PRMT2: variants seen among roughly 807,000 people sequenced by gnomAD.
PRMT2 encodes protein arginine methyltransferase 2, also known as protein arginine N-methyltransferase 2.
PRMT2 carries 26 observed loss-of-function variants against 57.6 expected under a neutral mutation model. That is an observed-to-expected ratio of 0.45 (90% CI 0.33 to 0.63). The LOEUF (loss-of-function observed/expected upper bound fraction) is 0.63. Among genes scored for constraint, PRMT2 ranks in the 20% least tolerant of loss-of-function variants. PRMT2 has a pLI of 0.02. For missense variants in PRMT2, 472 were observed against 564.4 expected, an observed-to-expected ratio of 0.84 and a Z score of 1.66; for synonymous variants, 219 against 220.0, an observed-to-expected ratio of 1.00 and a Z score of 0.04.
chr21:46,664,363 C>T lies in PRMT2; in HGVS notation c.*36C>T, dbSNP rs1163100338. The T allele has an allele frequency of 1.5e-5, 25 of 1,613,856 alleles. No individual in the cohort carries two copies. The highest frequency in any genetic ancestry group is 1.9e-5 in the Non-Finnish European group (23 of 1,179,914). ...TTTATTTGGAAAGCAGTGTGCATAT[C>T]TTGAGGGGTGATGAACACAAGCAAA... On this transcript the variant is annotated 3_prime_UTR_variant, in exon 12 of 12. Coordinates refer to ENST00000355680, the MANE Select transcript of PRMT2 (RefSeq NM_206962.4).
rs555283999 is a variant in PRMT2, at chr21:46,641,691, TAAA to T, written c.40-1837_40-1835del. ...TAGGCGACAGAGCGAGACTCCATCC[TAAA>T]AAAAAAGCCAAACAAAGAAACAGCC... On this transcript the variant is annotated intron_variant, in intron 3 of 11. Coordinates refer to ENST00000355680, the MANE Select transcript of PRMT2 (RefSeq NM_206962.4). 3.2e-4 allele frequency among the ~76,000 whole-genome samples: 47 copies of T among 147,468 alleles called. 1 individual carries two copies. The South Asian group carries it at 0.01, about 31-fold the overall frequency.
intron 5 of PRMT2, 118 bp downstream of exon 5, chr21:46,644,606 A>G: frequency 1.0e-6 from 1 of 1,001,582 alleles, no homozygotes; most frequent in Non-Finnish European, 1.4e-6. Flanking sequence ...CCTCTGTTGT[A>G]GCCACTCAGC....
chr21:46,651,783 C>G lies in PRMT2; in HGVS notation c.654+2044C>G, dbSNP rs778399117. 13 of 1,612,290 alleles carry G rather than the reference C, an allele frequency of 8.1e-6. No individual in the cohort carries two copies. In the East Asian group the frequency reaches 2.5e-4, roughly 30 times the overall value. On this transcript the variant is annotated intron_variant, in intron 7 of 11. Coordinates refer to ENST00000355680, the MANE Select transcript of PRMT2 (RefSeq NM_206962.4). ...CTGGGAGTCGTTGGTGCGGTTGTAC[C>G]CACCTTCACTTTCCGTCCCCAGGCT...
At chr21:46,637,127 G>A in intron 3 of PRMT2, 137 bp downstream of exon 3, 2 of 762,964 alleles carry the variant, frequency 2.6e-6, no homozygotes, top group East Asian at 2.9e-5. Context: ...ATGCTTAAAT[G>A]TGAAGATTGT....
chr21:46,640,273 C>A (rs983285427), intron 3 of PRMT2, among the ~76,000 whole-genome samples: 1 of 151,962 alleles, frequency 6.6e-6, no homozygotes, highest in African/African-American at 2.4e-5. Context: ...AATAAATAGT[C>A]TTTTTTATGT....
intron 7 of PRMT2, among the ~76,000 whole-genome samples, chr21:46,656,122 T>A (rs1251491087): frequency 6.6e-6 from 1 of 152,054 alleles, no homozygotes. Context: ...GATAAGTGAG[T>A]TCTAGCTCTT....
chr21:46,650,241 T>A (rs1218757279), intron 7 of PRMT2, among the ~76,000 whole-genome samples: 1 of 151,550 alleles, frequency 6.6e-6, no homozygotes, highest in Non-Finnish European at 1.5e-5. Flanking sequence ...GCACAAACGC[T>A]GTCTGCTTGG....
In PRMT2 at chr21:46,647,675, A is replaced by G. The variant is rs189936769; in HGVS notation, c.328-783A>G. Among the ~76,000 whole-genome samples, 628 of 152,320 alleles carry G rather than the reference A, an allele frequency of 4.1e-3. 2 individuals are homozygous for G. The highest frequency in any genetic ancestry group is 4.9e-3 in the Non-Finnish European group (335 of 68,034). On this transcript the variant is annotated intron_variant, in intron 5 of 11. Transcript: ENST00000355680. ...GCACCCTGCCTGGCCTTCTGATTCT[A>G]TTTTAAACAATGAGATTTTAAATAA... is the stretch of plus-strand genomic sequence containing the variant.
chr21:46,661,248 C>A, intron 9 of PRMT2: 33 of 225,856 alleles, frequency 1.5e-4, no homozygotes, highest in Middle Eastern at 1.5e-3. Context: ...TCTTCAAAAT[C>A]AAATAAATTA....
rs868078613 is a variant in PRMT2, at chr21:46,649,778, G to A, written c.654+39G>A. 4 of 1,595,652 alleles carry A rather than the reference G, an allele frequency of 2.5e-6. No individual in the cohort carries two copies. In the Admixed American group the frequency reaches 7.1e-5, roughly 28 times the overall value. ...TGCGGGCAGCTGGGGGCCGGAGCTG[G>A]GGGGCTTCTGAGCACGGGCTCGGCT... On this transcript the variant is annotated intron_variant, in intron 7 of 11. Transcript: ENST00000355680. The surrounding 1 kb of genome is among the most constrained non-coding windows in gnomAD (Gnocchi z 4.8).
intron 5 of PRMT2, among the ~76,000 whole-genome samples, chr21:46,645,355 C>CTTTG (rs532952942): frequency 6.6e-6 from 1 of 152,224 alleles, no homozygotes; most frequent in Non-Finnish European, 1.5e-5. Flanking sequence ...AATCACAGGA[C>CTTTG]TTTGGGAAGC....
chr21:46,644,623 A>G (rs2061333690), intron 5 of PRMT2, 135 bp downstream of exon 5: 3 of 845,724 alleles, frequency 3.5e-6, no homozygotes, highest in South Asian at 2.4e-5. Flanking sequence ...CAGCTCTGAC[A>G]TGGTTGTGTG....
At chr21:46,655,045 A>ATCTTT in intron 7 of PRMT2, 1 of 352,614 alleles carries the variant, frequency 2.8e-6, no homozygotes, top group Non-Finnish European at 4.0e-6. Context: ...ATGGTCCAAT[A>ATCTTT]ACTAGTAAAG....
At chr21:46,655,876 C>G (rs1420305291) in intron 7 of PRMT2, among the ~76,000 whole-genome samples, 1 of 152,130 alleles carries the variant, frequency 6.6e-6, no homozygotes, top group African/African-American at 2.4e-5. Flanking sequence ...TTAAATTGAT[C>G]TGTAGACTTA....
At chr21:46,652,691 A>G in intron 7 of PRMT2, 1 of 985,396 alleles carries the variant, frequency 1.0e-6, no homozygotes, top group East Asian at 1.1e-4. Flanking sequence ...TAAGTCAAAG[A>G]GCATTAAAAT....
At chr21:46,656,971 AAAC>A (rs1259713362) in intron 7 of PRMT2, 3 of 152,368 alleles carry the variant, frequency 2.0e-5, no homozygotes, top group African/African-American at 4.8e-5. Context: ...AACAGGAAGA[AAAC>A]AAGCCAATTG....
chr21:46,641,602 G>A (rs894131875), intron 3 of PRMT2, among the ~76,000 whole-genome samples: 2 of 152,122 alleles, frequency 1.3e-5, no homozygotes, highest in East Asian at 1.9e-4. Flanking sequence ...TGAGGCATGC[G>A]AATTGCTTGA....
chr21:46,657,836 A>C (rs545119493), intron 7 of PRMT2: 1 of 152,330 alleles, frequency 6.6e-6, no homozygotes, highest in African/African-American at 2.4e-5. Context: ...TAAGATGTAT[A>C]TATTTTTTGT....
At chr21:46,653,638 ATTTC>A in intron 7 of PRMT2, 1 of 1,219,170 alleles carries the variant, frequency 8.2e-7, no homozygotes, top group South Asian at 1.6e-5. Context: ...ATGCCTTGAT[ATTTC>A]TTTTTGGTTG....
Sources: allele counts gnomAD v4.1 joint callset (sites outside exome capture counted in the v4.1 genomes callset), GRCh38; gene constraint gnomAD v4.1.1; non-coding constraint Gnocchi (gnomAD v3.1); transcripts MANE v1.5; gene names NCBI Gene and HGNC (gene_info 2026-07-23, HGNC 2026-07-21).